IQGAP2: variants seen among roughly 807,000 people sequenced by gnomAD.
IQGAP2 encodes ras GTPase-activating-like protein IQGAP2.
IQGAP2 carries 173 observed loss-of-function variants against 201.3 expected under a neutral mutation model. The observed-to-expected ratio is 0.86, with a 90% CI of 0.76 to 0.98. The LOEUF (loss-of-function observed/expected upper bound fraction) is 0.98, where lower values mean the gene tolerates loss of function less well. IQGAP2 is among the 50% of genes least tolerant of loss of function. The probability of loss-of-function intolerance (pLI) is 0.00; values close to 1 mark genes in which losing one functional copy is unlikely to be tolerated. For synonymous variants in IQGAP2, 675 were observed against 673.9 expected (o/e 1.00, Z -0.03); for missense variants, 1,687 against 1,864.8 (o/e 0.90, Z 1.76).
rs138512330 is a variant in IQGAP2 at position 76,664,420 on chromosome 5, T to C, written c.2530-606T>C. On this transcript the variant is annotated intron_variant, in intron 21 of 35. Coordinates refer to ENST00000274364, the MANE Select transcript of IQGAP2 (RefSeq NM_006633.5). ...CACTGATAGGCTGGGCACGGTGGCT[T>C]ACGCCTGTAATCCCAGCACTTTGGA... is the stretch of plus-strand genomic sequence containing the variant. Among the ~76,000 whole-genome samples the C allele has an allele frequency of 1.7e-3, 256 of 152,332 alleles. 1 individual carries two copies. Among genetic ancestry groups the C allele is most frequent in the African/African-American group, 5.9e-3 (246 of 41,582 alleles).
chr5:76,537,338 C>T (rs1057324738), intron 2 of IQGAP2, among the ~76,000 whole-genome samples: 4 of 152,110 alleles, frequency 2.6e-5, no homozygotes, highest in Admixed American at 1.3e-4. Flanking sequence ...CAAATGCCAC[C>T]TATAGAGCTG....
At chr5:76,626,270 C>CTTT (rs34251090) in intron 13 of IQGAP2, among the ~76,000 whole-genome samples, 37,217 of 83,332 alleles carry the variant, frequency 0.45, 8,891 homozygotes, top group South Asian at 0.5. Flanking sequence ...TTCTTCTTTT[C>CTTT]TTTTTTTTTT....
chr5:76,688,851 G>A (rs1317795612), intron 30 of IQGAP2, among the ~76,000 whole-genome samples: 1 of 152,090 alleles, frequency 6.6e-6, no homozygotes, highest in Non-Finnish European at 1.5e-5. Context: ...TTTTACAGAT[G>A]AGGAAACTAG....
At position 76,496,745 on chromosome 5, in the gene IQGAP2, C is replaced by CT. The variant is rs1200550371; in HGVS notation, c.146+35079dup. ...CTTTCTTTTCTTTCTTTCTTTCTTT[C>CT]TTTCTTTCTTTCTTTCTTTCTTTCT... On this transcript the variant is annotated intron_variant, in intron 2 of 35. Transcript: ENST00000274364. 2.4e-3 allele frequency among the ~76,000 whole-genome samples: 121 copies of CT among 51,100 alleles called. 7 individuals carry two copies. The highest frequency in any genetic ancestry group is 0.011 in the African/African-American group (113 of 9,858). 33.5% of individuals were successfully genotyped at this position (51,100 alleles called of 152,430 possible).
chr5:76,527,246 T>G (rs1307488664), intron 2 of IQGAP2, among the ~76,000 whole-genome samples: 1 of 152,206 alleles, frequency 6.6e-6, no homozygotes, highest in Non-Finnish European at 1.5e-5. Flanking sequence ...AGGAAGCTGT[T>G]AAGGGGAACA....
intron 2 of IQGAP2, among the ~76,000 whole-genome samples, chr5:76,549,680 T>C (rs903736952): frequency 6.6e-6 from 1 of 152,156 alleles, no homozygotes; most frequent in Non-Finnish European, 1.5e-5. Context: ...GAGGCCTCTG[T>C]CCTCGGCTTT....
chr5:76,489,588 A>C (rs1258749404), intron 2 of IQGAP2, among the ~76,000 whole-genome samples: 1 of 152,058 alleles, frequency 6.6e-6, no homozygotes. Context: ...CGGCCTCCCA[A>C]GTAGCTGGGG....
intron 1 of IQGAP2, among the ~76,000 whole-genome samples, chr5:76,446,064 C>T (rs1410620789): frequency 3.3e-5 from 5 of 152,000 alleles, no homozygotes; most frequent in African/African-American, 9.7e-5. Context: ...ATGTATATAC[C>T]ACATTTTGCT....
At chr5:76,435,995 G>C (rs1479764940) in intron 1 of IQGAP2, among the ~76,000 whole-genome samples, 1 of 151,934 alleles carries the variant, frequency 6.6e-6, no homozygotes, top group Non-Finnish European at 1.5e-5. Context: ...AAAAGGGATT[G>C]AGCTCTTGAT....
chr5:76,461,904 A>G (rs760893697), intron 2 of IQGAP2, among the ~76,000 whole-genome samples: 7 of 152,110 alleles, frequency 4.6e-5, no homozygotes, highest in Non-Finnish European at 8.8e-5. Flanking sequence ...ACTCTGCTCC[A>G]CTCCTGAGTC....
intron 2 of IQGAP2, among the ~76,000 whole-genome samples, chr5:76,557,952 G>A (rs748332853): frequency 6.6e-6 from 1 of 152,064 alleles, no homozygotes; most frequent in Non-Finnish European, 1.5e-5. Flanking sequence ...GACTGCAGGT[G>A]CCCATTACGA....
intron 7 of IQGAP2, 85 bp downstream of exon 7, chr5:76,589,813 T>C: frequency 1.6e-6 from 1 of 635,476 alleles, no homozygotes; most frequent in Non-Finnish European, 2.5e-6. Flanking sequence ...CGAAATAGAA[T>C]ATTTAGAAGA....
At chr5:76,622,395 A>G (rs559101601) in intron 13 of IQGAP2, among the ~76,000 whole-genome samples, 4 of 152,324 alleles carry the variant, frequency 2.6e-5, no homozygotes, top group Admixed American at 6.5e-5. Flanking sequence ...AATTTAAGCA[A>G]TGTTCCTTTA....
At chr5:76,668,347 TCTA>T (rs1743976946) in intron 22 of IQGAP2, among the ~76,000 whole-genome samples, 1 of 151,792 alleles carries the variant, frequency 6.6e-6, no homozygotes, top group East Asian at 1.9e-4. Flanking sequence ...ATCATAATTT[TCTA>T]CTATAGCTTC....
In IQGAP2 at chr5:76,484,974, G is replaced by A. The variant is rs886694864; in HGVS notation, c.146+23305G>A. Among the ~76,000 whole-genome samples the A allele has an allele frequency of 2.6e-5, 4 of 152,322 alleles. No individual in the cohort carries two copies. The South Asian group carries it at 6.2e-4, about 24-fold the overall frequency. On this transcript the variant is annotated intron_variant, in intron 2 of 35. Coordinates refer to ENST00000274364, the MANE Select transcript of IQGAP2 (RefSeq NM_006633.5). ...CTTGTGAGTAGCTGGGACTACAGGT[G>A]TATGCCACCATGCCTGGCTATGCTT...
intron 2 of IQGAP2, among the ~76,000 whole-genome samples, chr5:76,467,996 C>A (rs559146922): frequency 2.0e-5 from 3 of 152,144 alleles, no homozygotes; most frequent in African/African-American, 7.2e-5. Context: ...TATGGGATTT[C>A]TTTTTGGGCT....
chr5:76,707,408 T>G lies in IQGAP2; in HGVS notation c.*95T>G. On this transcript the variant is annotated 3_prime_UTR_variant, in exon 36 of 36. Coordinates refer to ENST00000274364, the MANE Select transcript of IQGAP2 (RefSeq NM_006633.5). ...TTTTAAACATGATTGAAATCACTGC[T>G]TATAAATGTGTGATTTTTTTAAAAC... 1.5e-6 allele frequency: 1 copy of G among 684,510 alleles called. No individual in the cohort carries two copies. The highest frequency in any genetic ancestry group is 2.6e-6 in the Non-Finnish European group (1 of 385,070). 42.4% of individuals were successfully genotyped at this position (684,510 alleles called of 1,614,324 possible). A position where few individuals can be genotyped will look rare whatever the true frequency, so the allele number is the denominator to read the frequency against.
chr5:76,613,895 G>T (rs1748642469), intron 13 of IQGAP2, among the ~76,000 whole-genome samples: 1 of 152,118 alleles, frequency 6.6e-6, no homozygotes, highest in Non-Finnish European at 1.5e-5. Context: ...GTTTCACCAT[G>T]TTTTCCAGGC....
In IQGAP2 at chr5:76,627,230, G is replaced by A. The variant is rs116735392; in HGVS notation, c.1522-180G>A. Reference sequence around the variant, plus strand: ...ACTAAAGAGTGGTGGGGAAGAAGGAGGAAGTGGTCGGGTTTGGGGTCTGCT... The same window carrying A: ...ACTAAAGAGTGGTGGGGAAGAAGGAAGAAGTGGTCGGGTTTGGGGTCTGCT... On this transcript the variant is annotated intron_variant, in intron 13 of 35. Coordinates refer to ENST00000274364, the MANE Select transcript of IQGAP2 (RefSeq NM_006633.5). Among the ~76,000 whole-genome samples the A allele has an allele frequency of 7.8e-3, 1,190 of 152,266 alleles. 14 individuals carry two copies. The highest frequency in any genetic ancestry group is 0.027 in the African/African-American group (1,118 of 41,538).
Sources: gnomAD v4.1 joint callset for allele counts (sites outside exome capture counted in the v4.1 genomes callset) on GRCh38, gnomAD v4.1.1 for gene constraint, MANE v1.5 for transcripts, NCBI Gene and HGNC (gene_info 2026-07-23, HGNC 2026-07-21) for gene names.